Variants in SLC17A1 observed in about 807,000 individuals in gnomAD.
The protein encoded by SLC17A1 is sodium-dependent phosphate transport protein 1.
In SLC17A1, 51 loss-of-function variants were observed where a neutral mutation model predicts 53.5. That is an observed-to-expected ratio of 0.95 (90% CI 0.76 to 1.20). The LOEUF is 1.20. SLC17A1 is among the 50% of genes most tolerant of loss of function. The pLI, the probability that SLC17A1 is intolerant of heterozygous loss-of-function variation, is 0.00. For synonymous variants in SLC17A1, 179 were observed against 198.8 expected (o/e 0.90, Z 0.84); for missense variants, 538 against 568.2 (o/e 0.95, Z 0.54).
At chr6:25,773,343 T>C in the SLC17A1 span, 1 of 1,614,020 alleles carries the variant, frequency 6.2e-7, no homozygotes, top group African/African-American at 1.3e-5. Context: ...GAATCATCCC[T>C]TTATCAGTGC....
At chr6:25,775,531 G>C in the SLC17A1 span, among the ~76,000 whole-genome samples, 2 of 151,932 alleles carry the variant, frequency 1.3e-5, no homozygotes, top group African/African-American at 4.8e-5. Context: ...GACCTCCCAG[G>C]CTCAAGCAAT....
At chr6:25,739,804 A>C in the SLC17A1 span, among the ~76,000 whole-genome samples, 1 of 152,194 alleles carries the variant, frequency 6.6e-6, no homozygotes, top group Non-Finnish European at 1.5e-5. Context: ...AGGGGATAGC[A>C]TGAGGTGTGG....
intron 12 of SLC17A1, among the ~76,000 whole-genome samples, chr6:25,793,339 A>T (rs1763541130): frequency 6.6e-6 from 1 of 152,180 alleles, no homozygotes. Flanking sequence ...GTGCTGGGAT[A>T]GAACAGTGAG....
chr6:25,771,127 T>C, the SLC17A1 span: 71 of 831,070 alleles, frequency 8.5e-5, no homozygotes, highest in Non-Finnish European at 1.4e-4. Flanking sequence ...AAGCTGGTAG[T>C]GTTCAGAGCC....
the SLC17A1 span, chr6:25,732,475 G>GT: frequency 2.7e-6 from 1 of 365,558 alleles, no homozygotes; most frequent in Admixed American, 3.7e-5. Flanking sequence ...CGGGGGAAGG[G>GT]TACGCGCTAT....
intron 12 of SLC17A1, among the ~76,000 whole-genome samples, chr6:25,784,858 A>G (rs760945590): frequency 9.2e-5 from 14 of 152,220 alleles, no homozygotes; most frequent in Non-Finnish European, 1.3e-4. Context: ...CGAACAAGAC[A>G]AAGATGTCTA....
At chr6:25,824,721 A>C (rs748542385) in intron 3 of SLC17A1, among the ~76,000 whole-genome samples, 8 of 151,858 alleles carry the variant, frequency 5.3e-5, no homozygotes, top group Non-Finnish European at 1.2e-4. Context: ...AGAGGAGATA[A>C]AATTCAGTCA....
chr6:25,748,746 C>T, the SLC17A1 span, among the ~76,000 whole-genome samples: 3 of 152,172 alleles, frequency 2.0e-5, no homozygotes, highest in Non-Finnish European at 2.9e-5. Flanking sequence ...CAAGAAAACA[C>T]GTGAGCAAAG....
downstream of SLC17A1, among the ~76,000 whole-genome samples, chr6:25,782,191 T>C (rs1763281589): frequency 1.3e-5 from 2 of 152,150 alleles, no homozygotes; most frequent in Admixed American, 1.3e-4. Context: ...TTTTATATCT[T>C]TCTTCCTACT....
At chr6:25,776,944 T>C in the SLC17A1 span, 4 of 1,612,766 alleles carry the variant, frequency 2.5e-6, no homozygotes, top group Non-Finnish European at 3.4e-6. Flanking sequence ...GTTAACTTCT[T>C]GGATATTGCT....
At chr6:25,746,795 T>TCC in the SLC17A1 span, among the ~76,000 whole-genome samples, 22 of 152,186 alleles carry the variant, frequency 1.4e-4, no homozygotes, top group African/African-American at 4.8e-4. Flanking sequence ...CGTATCCCCT[T>TCC]CTGACCCTGT....
the SLC17A1 span, chr6:25,726,041 G>C: frequency 1.7e-6 from 2 of 1,210,304 alleles, no homozygotes; most frequent in Admixed American, 4.6e-5. Context: ...GTTTTGTAAC[G>C]TACAGCCTTT....
At chr6:25,759,539 A>G in the SLC17A1 span, among the ~76,000 whole-genome samples, 2 of 152,210 alleles carry the variant, frequency 1.3e-5, no homozygotes, top group Admixed American at 1.3e-4. Flanking sequence ...TTTTGTTGCT[A>G]TATAATGTCT....
chr6:25,728,102 A>G, the SLC17A1 span, among the ~76,000 whole-genome samples: 176 of 152,314 alleles, frequency 1.2e-3, no homozygotes, highest in African/African-American at 4.1e-3. Flanking sequence ...ATAAAACTAA[A>G]AAGCGCAGCG....
the SLC17A1 span, chr6:25,773,126 T>C: frequency 1.4e-6 from 1 of 691,906 alleles, no homozygotes; most frequent in Non-Finnish European, 2.6e-6. Flanking sequence ...GGAAGTACCC[T>C]CCCCCATGAT....
chr6:25,778,716 G>A (rs1408716184), downstream of SLC17A1, among the ~76,000 whole-genome samples: 1 of 152,206 alleles, frequency 6.6e-6, no homozygotes, highest in Non-Finnish European at 1.5e-5. Flanking sequence ...ATGCTAAGAG[G>A]AGAATAAAGC....
chr6:25,831,854 T>C (rs1017595784), intron 1 of SLC17A1, 140 bp downstream of exon 1: 1 of 152,232 alleles, frequency 6.6e-6, no homozygotes, highest in Non-Finnish European at 1.5e-5. Context: ...CCTCAGAAGA[T>C]AGGGCATATT....
intron 12 of SLC17A1, 129 bp downstream of exon 12, chr6:25,798,654 G>T: frequency 1.3e-6 from 1 of 758,478 alleles, no homozygotes; most frequent in Non-Finnish European, 2.0e-6. Flanking sequence ...AATATTCTCA[G>T]GCTTAACATG....
intron 12 of SLC17A1, among the ~76,000 whole-genome samples, chr6:25,787,705 G>A (rs1468657789): frequency 6.6e-6 from 1 of 152,104 alleles, no homozygotes; most frequent in African/African-American, 2.4e-5. Flanking sequence ...ATTCTTTCAG[G>A]TCCTGCCTAT....
Sources: allele counts gnomAD v4.1 joint callset (sites outside exome capture counted in the v4.1 genomes callset), GRCh38; gene constraint gnomAD v4.1.1; transcripts MANE v1.5; gene names NCBI Gene and HGNC (gene_info 2026-07-23, HGNC 2026-07-21).